Variants in SPATA33 observed in about 807,000 individuals in gnomAD.
SPATA33 encodes spermatogenesis-associated protein 33.
In SPATA33, 10 loss-of-function variants were observed where a neutral mutation model predicts 8.9. The ratio of observed to expected loss-of-function variants is 1.12; its 90% CI spans 0.69 to 1.90. The LOEUF (loss-of-function observed/expected upper bound fraction) is 1.90, where lower values mean the gene tolerates loss of function less well. Among genes scored for constraint, SPATA33 ranks in the 40% most tolerant of loss-of-function variants. SPATA33 has a pLI of 0.00. For missense variants in SPATA33, 241 were observed against 178.3 expected, an observed-to-expected ratio of 1.35 and a Z score of -2.00; for synonymous variants, 96 against 72.8, an observed-to-expected ratio of 1.32 and a Z score of -1.63.
At chr16:89,658,071 C>G in intron 1 of SPATA33, 123 bp downstream of exon 1, 6 of 1,467,766 alleles carry the variant, frequency 4.1e-6, no homozygotes, top group Non-Finnish European at 5.4e-6. Flanking sequence ...GCGAACCGTT[C>G]CTGCCGCCGA....
At chr16:89,665,698 C>T (rs1186959238) in intron 2 of SPATA33, among the ~76,000 whole-genome samples, 3 of 152,122 alleles carry the variant, frequency 2.0e-5, no homozygotes, top group South Asian at 2.1e-4. Flanking sequence ...AGTGTAAATA[C>T]GTTAACTTCT....
chr16:89,663,133 A>C (rs544005756), intron 2 of SPATA33, among the ~76,000 whole-genome samples: 4 of 152,170 alleles, frequency 2.6e-5, no homozygotes, highest in Non-Finnish European at 5.9e-5. Context: ...AATTGCAAGA[A>C]AATTTTGAAA....
chr16:89,661,292 T>C (rs2151527178), intron 2 of SPATA33: 1 of 792,214 alleles, frequency 1.3e-6, no homozygotes, highest in Non-Finnish European at 1.5e-6. Flanking sequence ...GATTGAATTA[T>C]GGGGGCAGGT....
intron 2 of SPATA33, among the ~76,000 whole-genome samples, chr16:89,668,759 T>C (rs1167636176): frequency 6.6e-6 from 1 of 152,260 alleles, no homozygotes; most frequent in Non-Finnish European, 1.5e-5. Flanking sequence ...GGAGCACTTT[T>C]GCTTTGTACG....
At chr16:89,662,931 C>G (rs998855201) in intron 2 of SPATA33, among the ~76,000 whole-genome samples, 3 of 151,954 alleles carry the variant, frequency 2.0e-5, no homozygotes, top group Non-Finnish European at 4.4e-5. Context: ...GTAGCTGAGA[C>G]TACAGGTGTG....
intron 2 of SPATA33, among the ~76,000 whole-genome samples, chr16:89,663,390 T>G (rs1363103308): frequency 6.6e-6 from 1 of 151,788 alleles, no homozygotes; most frequent in Non-Finnish European, 1.5e-5. Context: ...TCTTTGTATT[T>G]TTAGTAGCGA....
At chr16:89,660,386 G>C in intron 2 of SPATA33, 1 of 1,014,194 alleles carries the variant, frequency 9.9e-7, no homozygotes, top group Non-Finnish European at 1.3e-6. Context: ...AGTAACGGAA[G>C]TGGGGGAAGG....
At position 89,664,350 on chromosome 16, in the gene SPATA33, A is replaced by AGT. The variant is rs202207605; in HGVS notation, c.212-4936_212-4935insGT. On this transcript the variant is annotated intron_variant, in intron 2 of 2. Coordinates refer to ENST00000579310, the MANE Select transcript of SPATA33 (RefSeq NM_001271907.2). ...GGCGGTTTGGTAACAAGGTGGCAGG[A>AGT]CTCAAGACAGCCCACACGATCCCTG... Among the ~76,000 whole-genome samples the AGT allele has an allele frequency of 3.9e-4, 3 of 7,646 alleles. No individual in the cohort carries two copies. The Non-Finnish European group carries it at 5.9e-3, about 15-fold the overall frequency. 5.0% of individuals were successfully genotyped at this position (7,646 alleles called of 152,430 possible). A position where few individuals can be genotyped will look rare whatever the true frequency, so the allele number is the denominator to read the frequency against.
chr16:89,667,101 C>T (rs1443838458), intron 2 of SPATA33, among the ~76,000 whole-genome samples: 3 of 152,154 alleles, frequency 2.0e-5, no homozygotes, highest in Admixed American at 1.3e-4. Flanking sequence ...AGGGAGACTC[C>T]CTTTCCTGGT....
In SPATA33 at chr16:89,669,269, G is replaced by A; in HGVS notation, c.212-17G>A. The A allele has an allele frequency of 6.2e-7, 1 of 1,613,294 alleles. No individual in the cohort carries two copies. The highest frequency in any genetic ancestry group is 8.5e-7 in the Non-Finnish European group (1 of 1,179,256). On this transcript the variant is annotated splice_polypyrimidine_tract_variant and intron_variant, in intron 2 of 2. Transcript: ENST00000579310. ...TTTCCACACATCTACTAAATGCCTG[G>A]ATGTTTTTTCCTCTAGAGAAACCTG...
chr16:89,663,495 T>G (rs1373374868), intron 2 of SPATA33, among the ~76,000 whole-genome samples: 1 of 152,140 alleles, frequency 6.6e-6, no homozygotes, highest in Non-Finnish European at 1.5e-5. Context: ...TCCGCTTGCC[T>G]CGGCCTCCTG....
intron 2 of SPATA33, chr16:89,661,367 A>AG (rs1204841142): frequency 3.9e-6 from 1 of 254,020 alleles, no homozygotes; most frequent in Non-Finnish European, 6.2e-6. Flanking sequence ...TAAAAACGGG[A>AG]GTTTCCTGCA....
In SPATA33 at chr16:89,657,910, C is replaced by G. The variant is rs2059901924; in HGVS notation, c.-2C>G. Reference sequence around the variant, plus strand: ...GCGTCGGAGGGGGCGGTGGGCTCACCCATGGGCCTTTCCAAAAGCAAAGAG... The same window carrying G: ...GCGTCGGAGGGGGCGGTGGGCTCACGCATGGGCCTTTCCAAAAGCAAAGAG... On this transcript the variant is annotated 5_prime_UTR_variant, in exon 1 of 3. Transcript: ENST00000579310. 8 of 1,519,684 alleles carry G rather than the reference C, an allele frequency of 5.3e-6. No individual in the cohort carries two copies. The South Asian group carries it at 7.3e-5, about 14-fold the overall frequency. The allele number at this position is 1,519,684 out of a possible 1,614,324, so 94.1% of individuals were successfully genotyped here.
chr16:89,662,462 G>A (rs1159810283), intron 2 of SPATA33, among the ~76,000 whole-genome samples: 1 of 151,504 alleles, frequency 6.6e-6, no homozygotes, highest in Non-Finnish European at 1.5e-5. Flanking sequence ...TGTTGCCCAG[G>A]CTGGAGTGCA....
chr16:89,669,423 GA>G lies in SPATA33; in HGVS notation c.350del (p.Glu117GlyfsTer38), dbSNP rs761685489. On this transcript the variant is annotated frameshift_variant, in exon 3 of 3. Coordinates refer to ENST00000579310, the MANE Select transcript of SPATA33 (RefSeq NM_001271907.2). LOFTEE classifies it high-confidence loss of function. ...CCAGCAGAGAACCATTCGGGAGCCGGAGGACTGGGGCCCCTACCGGCGGCAC... is the reference window on the plus strand; with the variant it reads ...CCAGCAGAGAACCATTCGGGAGCCGGGGACTGGGGCCCCTACCGGCGGCAC... ...SDQQRTIREP[E>X]DWGPYRRHRN... is the part of the protein sequence containing the mutation. The G allele has an allele frequency of 1.2e-6, 2 of 1,614,106 alleles. No individual in the cohort carries two copies. The highest frequency in any genetic ancestry group is 4.5e-5 in the East Asian group (2 of 44,892).
intron 2 of SPATA33, among the ~76,000 whole-genome samples, chr16:89,664,590 A>G (rs910909105): frequency 4.7e-5 from 7 of 149,576 alleles, no homozygotes; most frequent in Non-Finnish European, 9.0e-5. Flanking sequence ...GAAGCCAGAC[A>G]GTAAAAGTGT....
intron 2 of SPATA33, among the ~76,000 whole-genome samples, chr16:89,664,881 C>T (rs1184050085): frequency 3.3e-5 from 5 of 152,188 alleles, no homozygotes; most frequent in Admixed American, 2.0e-4. Context: ...GCACCCCTGA[C>T]GACGAATGCA....
intron 2 of SPATA33, chr16:89,660,809 G>A (rs2059956815): frequency 9.3e-7 from 1 of 1,075,500 alleles, no homozygotes; most frequent in Non-Finnish European, 1.2e-6. Context: ...AACATGGGAA[G>A]CACTGCAGTT....
At chr16:89,666,907 C>T (rs1357684054) in intron 2 of SPATA33, among the ~76,000 whole-genome samples, 1 of 152,210 alleles carries the variant, frequency 6.6e-6, no homozygotes, top group Non-Finnish European at 1.5e-5. Flanking sequence ...TTTGCTACTG[C>T]TATCTAAAAG....
Sources: gnomAD v4.1 joint callset for allele counts (sites outside exome capture counted in the v4.1 genomes callset) on GRCh38, gnomAD v4.1.1 for gene constraint, MANE v1.5 for transcripts, NCBI Gene and HGNC (gene_info 2026-07-23, HGNC 2026-07-21) for gene names.